The following CFAP99 variants were observed in gnomAD, a reference collection of about 807,000 sequenced individuals.
The protein encoded by CFAP99 is cilia- and flagella-associated protein 99.
CFAP99 carries 84 observed loss-of-function variants against 82.7 expected under a neutral mutation model. The ratio of observed to expected loss-of-function variants is 1.02; its 90% CI spans 0.85 to 1.22. The LOEUF (loss-of-function observed/expected upper bound fraction) is 1.22. Ranked by LOEUF, CFAP99 falls within the 50% of genes most tolerant of loss-of-function variation. The probability of loss-of-function intolerance (pLI) is 0.00; values close to 1 mark genes in which losing one functional copy is unlikely to be tolerated. For missense variants in CFAP99, 1,059 were observed against 983.5 expected (o/e 1.08, Z -1.03); for synonymous variants, 456 against 429.5 (o/e 1.06, Z -0.76).
chr4:2,431,096 C>T (rs1011428680), intron 2 of CFAP99, among the ~76,000 whole-genome samples: 2 of 147,862 alleles, frequency 1.4e-5, no homozygotes, highest in East Asian at 2.0e-4. Context: ...TGGCCGGGCG[C>T]GGTGGCTCAT....
In CFAP99 at chr4:2,446,591, T is replaced by C. The variant is rs190761958; in HGVS notation, c.642+1283T>C. On this transcript the variant is annotated intron_variant, in intron 6 of 14. Transcript: ENST00000635017. This position sits in a 1 kb window ranked among gnomAD's most constrained non-coding sequence, Gnocchi z 5.0. Reference sequence around the variant, plus strand: ...TATTTTTAGTAGAGGTAGGGTTTTGTCATGTTGGCCGGGCTGGTCCCTAAC... The same window carrying C: ...TATTTTTAGTAGAGGTAGGGTTTTGCCATGTTGGCCGGGCTGGTCCCTAAC... Among the ~76,000 whole-genome samples the C allele has an allele frequency of 6.6e-6, 1 of 152,012 alleles. No individual in the cohort carries two copies. The highest frequency in any genetic ancestry group is 1.5e-5 in the Non-Finnish European group (1 of 68,000).
chr4:2,452,657 C>T (rs183309204), intron 11 of CFAP99, among the ~76,000 whole-genome samples: 2 of 152,286 alleles, frequency 1.3e-5, no homozygotes, highest in Admixed American at 6.5e-5. Flanking sequence ...TGCAGGCCTG[C>T]GGTCAGGGAC....
intron 2 of CFAP99, among the ~76,000 whole-genome samples, chr4:2,434,192 G>A (rs989364419): frequency 7.2e-5 from 11 of 152,316 alleles, no homozygotes; most frequent in South Asian, 2.1e-4. Flanking sequence ...CCCAGTATCC[G>A]GGAAAGGCCC....
In CFAP99 at chr4:2,445,309, G is replaced by A. The variant is rs987764418; in HGVS notation, c.642+1G>A. ...CCCGGTCGTGGCCAAGCCGAGACCC[G>A]TGAGTGTGGGCATTCTCAGCAGGCA... On this transcript the variant is annotated splice_donor_variant, in intron 6 of 14. Transcript: ENST00000635017. LOFTEE classifies it high-confidence loss of function. The A allele has an allele frequency of 2.2e-6, 3 of 1,339,434 alleles. No homozygotes were observed. Among genetic ancestry groups the A allele is most frequent in the South Asian group, 2.0e-5 (1 of 49,194 alleles). 83.0% of individuals were successfully genotyped at this position (1,339,434 alleles called of 1,614,324 possible). A position where few individuals can be genotyped will look rare whatever the true frequency, so the allele number is the denominator to read the frequency against.
In CFAP99 at chr4:2,437,030, G is replaced by C; in HGVS notation, c.256+12G>C. 5.9e-6 allele frequency: 9 copies of C among 1,535,986 alleles called. No homozygotes were observed. Among genetic ancestry groups the C allele is most frequent in the Non-Finnish European group, 7.8e-6 (9 of 1,146,820 alleles). On this transcript the variant is annotated intron_variant, in intron 3 of 14. Transcript: ENST00000635017. ...CAGCCGCTTCGAGGGTAGGTGCCTG[G>C]CTGGTCCCCAGGGCCAGGCCGTAGA...
chr4:2,440,490 G>A (rs1337094683), intron 4 of CFAP99, among the ~76,000 whole-genome samples: 3 of 150,296 alleles, frequency 2.0e-5, no homozygotes, highest in East Asian at 2.1e-4. Flanking sequence ...GGTGCCTCAC[G>A]CCTGTAATCC....
At position 2,442,775 on chromosome 4, in the gene CFAP99, C is replaced by T. The variant is rs530880686; in HGVS notation, c.352-355C>T. Among the ~76,000 whole-genome samples, 3 of 152,342 alleles carry T rather than the reference C, an allele frequency of 2.0e-5. No individual in the cohort carries two copies. The East Asian group carries it at 5.8e-4, about 29-fold the overall frequency. ...CCAGGGACCCCGGGGGCTGCTCCTC[C>T]CAGCTGGAAGGGGAGCCAAGGTCCA... On this transcript the variant is annotated intron_variant, in intron 4 of 14. Transcript: ENST00000635017.
At position 2,462,316 on chromosome 4, in the gene CFAP99, A is replaced by G. The variant is rs1270223839; in HGVS notation, c.1662-127A>G. 3 of 971,580 alleles carry G rather than the reference A, an allele frequency of 3.1e-6. No homozygotes were observed. The highest frequency in any genetic ancestry group is 4.2e-6 in the Non-Finnish European group (3 of 714,230). 60.2% of individuals were successfully genotyped at this position (971,580 alleles called of 1,614,324 possible). ...CCCTGGGCCTCGCTGTCTGTCCTAA[A>G]TCATTCCGGTGAACCTCTCCGGCTG... On this transcript the variant is annotated intron_variant, in intron 14 of 14. Coordinates refer to ENST00000635017, the Ensembl canonical transcript of CFAP99. The surrounding 1 kb of genome is among the most constrained non-coding windows in gnomAD (Gnocchi z 4.1).
chr4:2,452,401 A>G (rs1273468876), intron 11 of CFAP99, 55 bp downstream of exon 11: 1 of 1,507,302 alleles, frequency 6.6e-7, no homozygotes, highest in African/African-American at 1.4e-5. Flanking sequence ...CTGTGTGCCC[A>G]CCGGGAGCTG....
chr4:2,456,197 GTTTTA>G (rs984795352), intron 11 of CFAP99, among the ~76,000 whole-genome samples: 7 of 151,856 alleles, frequency 4.6e-5, no homozygotes, highest in African/African-American at 1.4e-4. Flanking sequence ...TTTTTGTTTT[GTTTTA>G]TTTTATTTTT....
intron 11 of CFAP99, among the ~76,000 whole-genome samples, chr4:2,453,136 A>G (rs1449179759): frequency 6.6e-6 from 1 of 152,222 alleles, no homozygotes; most frequent in African/African-American, 2.4e-5. Flanking sequence ...CACCTCTTGT[A>G]AGTCTATAAC....
intron 4 of CFAP99, among the ~76,000 whole-genome samples, chr4:2,441,062 G>GATAATA (rs150251876): frequency 1.4e-5 from 2 of 146,840 alleles, no homozygotes; most frequent in South Asian, 4.3e-4. Flanking sequence ...CTTCCTAAAT[G>GATAATA]ATAATAATAA....
chr4:2,425,021 T>C (rs1242552229), intron 1 of CFAP99, among the ~76,000 whole-genome samples: 1 of 152,246 alleles, frequency 6.6e-6, no homozygotes, highest in Non-Finnish European at 1.5e-5. Context: ...CCCTACTTTC[T>C]ATAGCTTCAT....
chr4:2,452,542 C>T (rs868812461), intron 11 of CFAP99, among the ~76,000 whole-genome samples, 196 bp downstream of exon 11: 1 of 152,140 alleles, frequency 6.6e-6, no homozygotes, highest in Non-Finnish European at 1.5e-5. Flanking sequence ...CTGTGTTCCC[C>T]GAGAGTGCCT....
intron 4 of CFAP99, among the ~76,000 whole-genome samples, chr4:2,440,385 A>G (rs1734007759): frequency 6.7e-6 from 1 of 149,578 alleles, no homozygotes; most frequent in Middle Eastern, 3.2e-3. Flanking sequence ...TGACCTCGTG[A>G]TCCGCCCGCC....
chr4:2,458,766 A>C, exon 12 of CFAP99: 1 of 1,535,774 alleles, frequency 6.5e-7, no homozygotes, highest in East Asian at 2.4e-5. Flanking sequence ...CGGCTCCGGG[A>C]GGACAGGTCC....
chr4:2,433,587 T>A (rs1008460199), intron 2 of CFAP99, among the ~76,000 whole-genome samples: 5 of 151,888 alleles, frequency 3.3e-5, no homozygotes, highest in African/African-American at 1.2e-4. Context: ...CCGAGCCCCC[T>A]CTCCATGCCC....
rs569848237 is a variant in CFAP99, at chr4:2,446,511, G to GC, written c.642+1209dup. Among the ~76,000 whole-genome samples the GC allele has an allele frequency of 6.6e-5, 10 of 152,190 alleles. 1 individual carries two copies. The East Asian group carries it at 1.9e-3, about 29-fold the overall frequency. On this transcript the variant is annotated intron_variant, in intron 6 of 14. Transcript: ENST00000635017. The surrounding 1 kb of genome is among the most constrained non-coding windows in gnomAD (Gnocchi z 5.0). ...AGGTTTAAGTGATTCTCCTGCCTCA[G>GC]CCCCCCGAGTAGCTGGGATTACAGG...
chr4:2,458,981 G>A, intron 12 of CFAP99, 117 bp downstream of exon 12: 1 of 1,447,924 alleles, frequency 6.9e-7, no homozygotes, highest in Non-Finnish European at 9.1e-7. Flanking sequence ...CCCCTTGAGG[G>A]AGGCACTCCC....
Sources: allele counts gnomAD v4.1 joint callset (sites outside exome capture counted in the v4.1 genomes callset), GRCh38; gene constraint gnomAD v4.1.1; non-coding constraint Gnocchi (gnomAD v3.1); transcripts MANE v1.5; gene names NCBI Gene and HGNC (gene_info 2026-07-23, HGNC 2026-07-21).